FOXN3: variants seen among roughly 807,000 people sequenced by gnomAD.
FOXN3 encodes forkhead box N3.
FOXN3 carries 7 observed loss-of-function variants against 38.4 expected under a neutral mutation model. The observed-to-expected ratio is 0.18, with a 90% CI of 0.10 to 0.34. The LOEUF is 0.34. Among genes scored for constraint, FOXN3 ranks in the 10% least tolerant of loss-of-function variants. The pLI, the probability that FOXN3 is intolerant of heterozygous loss-of-function variation, is 1.00. For missense variants in FOXN3, 456 were observed against 613.4 expected (o/e 0.74, Z 2.71); for synonymous variants, 230 against 242.2 (o/e 0.95, Z 0.47).
At chr14:89,433,684 A>G (rs148628143) in intron 1 of FOXN3, among the ~76,000 whole-genome samples, 1,949 of 151,368 alleles carry the variant, frequency 0.013, 46 homozygotes, top group African/African-American at 0.045. Context: ...GGCGCCTGTA[A>G]TCCCAGCTAT....
chr14:89,358,958 G>C (rs1889345512), intron 2 of FOXN3, among the ~76,000 whole-genome samples: 1 of 152,144 alleles, frequency 6.6e-6, no homozygotes, highest in East Asian at 1.9e-4. Context: ...AGATTGTTGT[G>C]AGGATTAAAG....
In FOXN3 at chr14:89,388,913, C is replaced by T. The variant is rs555032766; in HGVS notation, c.543+23021G>A. 1.8e-4 allele frequency among the ~76,000 whole-genome samples: 27 copies of T among 152,126 alleles called. No homozygotes were observed. In the East Asian group the frequency reaches 4.7e-3, roughly 26 times the overall value. ...AGAGCACAGGCCCCGCACTGTGACA[C>T]CAGGCAGAGTTCAGCAAGGGATCCC... is the stretch of plus-strand genomic sequence containing the variant. On this transcript the variant is annotated intron_variant, in intron 2 of 5. Coordinates refer to ENST00000557258, the MANE Select transcript of FOXN3 (RefSeq NM_005197.4).
intron 1 of FOXN3, among the ~76,000 whole-genome samples, chr14:89,505,529 G>A (rs1368240867): frequency 1.3e-5 from 2 of 152,158 alleles, no homozygotes; most frequent in Non-Finnish European, 2.9e-5. Context: ...CGCCAGCCTC[G>A]GCCTCCCGAG....
At chr14:89,201,912 G>A (rs1327250482) in intron 4 of FOXN3, among the ~76,000 whole-genome samples, 2 of 152,212 alleles carry the variant, frequency 1.3e-5, no homozygotes, top group Admixed American at 6.5e-5. Flanking sequence ...GGCCCCAGCA[G>A]GCATGGCAGT....
At position 89,412,590 on chromosome 14, in the gene FOXN3, T is replaced by C; in HGVS notation, c.-14-100A>G. 1.1e-6 allele frequency: 1 copy of C among 907,668 alleles called. No individual in the cohort carries two copies. Among genetic ancestry groups the C allele is most frequent in the African/African-American group, 1.7e-5 (1 of 59,840 alleles). The allele number at this position is 907,668 out of a possible 1,614,324, so 56.2% of individuals were successfully genotyped here. A position where few individuals can be genotyped will look rare whatever the true frequency, so the allele number is the denominator to read the frequency against. On this transcript the variant is annotated intron_variant, in intron 1 of 5. Coordinates refer to ENST00000557258, the MANE Select transcript of FOXN3 (RefSeq NM_005197.4). This position sits in a 1 kb window ranked among gnomAD's most constrained non-coding sequence, Gnocchi z 4.7. Reference sequence around the variant, plus strand: ...CTGTTGCCTCCCTCTGCCGCCTCTATGGAACCCCTGCTACACAGGAACACC... The same window carrying C: ...CTGTTGCCTCCCTCTGCCGCCTCTACGGAACCCCTGCTACACAGGAACACC...
At chr14:89,291,576 G>A (rs1196229799) in intron 3 of FOXN3, 3 of 549,014 alleles carry the variant, frequency 5.5e-6, no homozygotes, top group East Asian at 4.7e-5. Context: ...CTTTCCAGCA[G>A]TCCCTACATG....
intron 5 of FOXN3, 142 bp downstream of exon 5, chr14:89,180,559 C>T (rs1328994931): frequency 5.7e-6 from 3 of 530,074 alleles, no homozygotes; most frequent in Non-Finnish European, 9.6e-6. Context: ...GGGTTACTTT[C>T]ACATTTCTGA....
intron 1 of FOXN3, among the ~76,000 whole-genome samples, chr14:89,557,806 G>A (rs982603577): frequency 6.6e-6 from 1 of 152,142 alleles, no homozygotes; most frequent in East Asian, 1.9e-4. Flanking sequence ...AGAAGTTTGA[G>A]AGCAGCCTGG....
At chr14:89,459,876 AGAGGACTGTGAGGTACATATG>A (rs1314336471) in intron 1 of FOXN3, among the ~76,000 whole-genome samples, 1 of 152,160 alleles carries the variant, frequency 6.6e-6, no homozygotes, top group Non-Finnish European at 1.5e-5. Context: ...AACAACTCAA[AGAGGACTGTGAGGTACATATG>A]TGCGTGGGAT....
rs61999664 is a variant in FOXN3 at position 89,413,337 on chromosome 14, G to A, written c.-14-847C>T. 1.4e-4 allele frequency among the ~76,000 whole-genome samples: 22 copies of A among 152,074 alleles called. No individual in the cohort carries two copies. The South Asian group carries it at 1.7e-3, about 11-fold the overall frequency. On this transcript the variant is annotated intron_variant, in intron 1 of 5. Transcript: ENST00000557258. ...AGTAAGAAAATCAAGCATCTACCTA[G>A]AAAACAAATGAACAGGCTGGGCATG...
intron 3 of FOXN3, among the ~76,000 whole-genome samples, chr14:89,301,822 G>A (rs1887226084): frequency 6.6e-6 from 1 of 152,068 alleles, no homozygotes. Context: ...AGGCAACAAA[G>A]TACTGTGATG....
intron 1 of FOXN3, among the ~76,000 whole-genome samples, chr14:89,447,813 CCT>C (rs1491237108): frequency 1.3e-5 from 1 of 77,868 alleles, no homozygotes; most frequent in African/African-American, 5.3e-5. Flanking sequence ...TGCCTTTCTT[CCT>C]TTTTTTTTTT....
chr14:89,599,715 A>G (rs1055031901), intron 1 of FOXN3, among the ~76,000 whole-genome samples: 2 of 152,216 alleles, frequency 1.3e-5, no homozygotes, highest in Admixed American at 1.3e-4. Flanking sequence ...GGCTTCAGGC[A>G]GACATCTAGG....
At chr14:89,613,756 G>C (rs1054380885) in intron 1 of FOXN3, among the ~76,000 whole-genome samples, 1 of 152,236 alleles carries the variant, frequency 6.6e-6, no homozygotes, top group Non-Finnish European at 1.5e-5. Flanking sequence ...AGAATGTACA[G>C]AGGGGTCTGT....
At chr14:89,323,114 C>A (rs1426748405) in intron 3 of FOXN3, among the ~76,000 whole-genome samples, 1 of 151,538 alleles carries the variant, frequency 6.6e-6, no homozygotes, top group African/African-American at 2.4e-5. Flanking sequence ...CCATGACACT[C>A]CATCTCTACT....
At chr14:89,229,184 G>C (rs1884727922) in intron 4 of FOXN3, among the ~76,000 whole-genome samples, 1 of 152,192 alleles carries the variant, frequency 6.6e-6, no homozygotes, top group Non-Finnish European at 1.5e-5. Context: ...AAAGAGGTCT[G>C]AGTGGTAGCT....
chr14:89,246,716 T>G (rs1208756070), intron 4 of FOXN3, among the ~76,000 whole-genome samples: 9 of 151,794 alleles, frequency 5.9e-5, no homozygotes, highest in Admixed American at 5.9e-4. Flanking sequence ...TTTTTTGTAT[T>G]TTTTAGTCGA....
Position 89,180,709 on chromosome 14 carries a change from C to A in FOXN3, c.843G>T (p.Ala281=). ...GCGCACTCCCCACTTACCTCATGGC[C>A]GCTGTCACCCCAATGGGAGTGATTG... is the stretch of plus-strand genomic sequence containing the variant. ...PLPITPIGVT[A]AMRNGITSCR... Residue 281 remains alanine, a synonymous_variant, in exon 5 of 6, where the codon GCG becomes GCT. Coordinates refer to ENST00000557258, the MANE Select transcript of FOXN3 (RefSeq NM_005197.4). 1 of 1,607,546 alleles carries A rather than the reference C, an allele frequency of 6.2e-7. No homozygotes were observed. Among genetic ancestry groups the A allele is most frequent in the Non-Finnish European group, 8.5e-7 (1 of 1,176,732 alleles).
rs76985999 is a variant in FOXN3, at chr14:89,448,208, A to G, written c.-14-35718T>C. ...CTTAGAAAAAGTTGGGTTCTTCCTC[A>G]TATAAAATCAGCTAAATAAATTCCA... On this transcript the variant is annotated intron_variant, in intron 1 of 6. Transcript: ENST00000345097. 2.0e-5 allele frequency among the ~76,000 whole-genome samples: 3 copies of G among 152,288 alleles called. No individual in the cohort carries two copies. In the East Asian group the frequency reaches 5.8e-4, roughly 29 times the overall value.
Sources: gnomAD v4.1 joint callset for allele counts (sites outside exome capture counted in the v4.1 genomes callset) on GRCh38, gnomAD v4.1.1 for gene constraint, Gnocchi (gnomAD v3.1) non-coding constraint, MANE v1.5 for transcripts, NCBI Gene and HGNC (gene_info 2026-07-23, HGNC 2026-07-21) for gene names.